Variants in KIAA0930 observed in about 807,000 individuals in gnomAD.
The protein encoded by KIAA0930 is uncharacterized protein KIAA0930.
A neutral mutation model predicts 43.9 loss-of-function variants in KIAA0930; 24 were observed. The ratio of observed to expected loss-of-function variants is 0.55; its 90% CI spans 0.40 to 0.77. The LOEUF is 0.77. Ranked by LOEUF, KIAA0930 falls within the 30% of genes least tolerant of loss-of-function variation. The pLI is 0.00. For synonymous variants in KIAA0930, 259 were observed against 216.4 expected, an observed-to-expected ratio of 1.20 and a Z score of -1.73; for missense variants, 461 against 574.2, an observed-to-expected ratio of 0.80 and a Z score of 2.02.
At chr22:45,200,850 A>T in intron 7 of KIAA0930, 1 of 470,198 alleles carries the variant, frequency 2.1e-6, no homozygotes, top group Non-Finnish European at 4.4e-6. Flanking sequence ...CACAGGATAC[A>T]TGAAGCACAG....
chr22:45,199,871 A>G lies in KIAA0930; in HGVS notation c.1015+2T>C, dbSNP rs770806064. The stretch of plus-strand genomic sequence containing the variant: ...ACCCTAGGGCACGGAGTGGGGGGTC[A>G]CCTCCACCGTCGTCCTCCCGGAAGA... On this transcript the variant is annotated splice_donor_variant, in intron 8 of 9. Coordinates refer to ENST00000336156, the MANE Select transcript of KIAA0930 (RefSeq NM_001009880.2). LOFTEE classifies it high-confidence loss of function. The G allele has an allele frequency of 6.4e-7, 1 of 1,564,850 alleles. No individual in the cohort carries two copies. The highest frequency in any genetic ancestry group is 1.2e-5 in the South Asian group (1 of 86,228).
chr22:45,240,375 G>A (rs2083909420), intron 1 of KIAA0930, among the ~76,000 whole-genome samples: 1 of 152,200 alleles, frequency 6.6e-6, no homozygotes, highest in Admixed American at 6.5e-5. Context: ...ACAGACACCC[G>A]GACGGACTGA....
intron 8 of KIAA0930, chr22:45,198,170 G>T: frequency 1.8e-6 from 1 of 565,408 alleles, no homozygotes; most frequent in Non-Finnish European, 3.2e-6. Flanking sequence ...CCAACTCCAG[G>T]AAGACTTTGG....
intron 1 of KIAA0930, among the ~76,000 whole-genome samples, chr22:45,223,202 C>T (rs553920739): frequency 6.6e-6 from 1 of 152,288 alleles, no homozygotes; most frequent in South Asian, 2.1e-4. Flanking sequence ...GAACAGAACA[C>T]TACGCAGCAA....
At chr22:45,233,070 G>C (rs1324224317) in intron 1 of KIAA0930, among the ~76,000 whole-genome samples, 1 of 152,124 alleles carries the variant, frequency 6.6e-6, no homozygotes, top group Non-Finnish European at 1.5e-5. Context: ...AGGCATCACA[G>C]CCAGTCCCTC....
At chr22:45,212,252 T>G in intron 1 of KIAA0930, 145 bp from the exon 2 acceptor site, 1 of 1,612,546 alleles carries the variant, frequency 6.2e-7, no homozygotes, top group South Asian at 1.1e-5. Flanking sequence ...CCCTCACCAC[T>G]CCCGACCCCC....
chr22:45,201,255 G>T (rs867262178), intron 7 of KIAA0930, among the ~76,000 whole-genome samples: 36 of 152,362 alleles, frequency 2.4e-4, no homozygotes, highest in South Asian at 1.2e-3. Flanking sequence ...CGCCAGAGAA[G>T]GAGACAGGTA....
intron 1 of KIAA0930, chr22:45,213,171 A>G (rs748605074): frequency 5.2e-5 from 29 of 553,806 alleles, no homozygotes; most frequent in Non-Finnish European, 7.4e-5. Flanking sequence ...CCACTAGCTG[A>G]GTCAAATGCA....
intron 1 of KIAA0930, among the ~76,000 whole-genome samples, chr22:45,223,138 T>C (rs1356822480): frequency 6.6e-6 from 1 of 152,078 alleles, no homozygotes; most frequent in African/African-American, 2.4e-5. Context: ...AATAGTGGAG[T>C]GGTCCTATCA....
Position 45,200,086 on chromosome 22 carries a change from G to A in KIAA0930, c.853-51C>T, listed in dbSNP as rs148612414. On this transcript the variant is annotated intron_variant, in intron 7 of 9. Transcript: ENST00000336156. ...AGAGTAGCAGAACAGCCCCCTCCCC[G>A]GGGGTCCCAACGCCCCTCCTATCCC... 4.0e-3 allele frequency: 6,076 copies of A among 1,521,346 alleles called. 16 individuals are homozygous for A. The highest frequency in any genetic ancestry group is 4.7e-3 in the Non-Finnish European group (5,299 of 1,132,568). 94.2% of individuals were successfully genotyped at this position (1,521,346 alleles called of 1,614,324 possible).
chr22:45,232,959 G>A (rs1175661072), intron 1 of KIAA0930, among the ~76,000 whole-genome samples: 4 of 152,218 alleles, frequency 2.6e-5, no homozygotes, highest in Middle Eastern at 3.4e-3. Context: ...ACCCACCCCC[G>A]CCAGGTGTCA....
intron 1 of KIAA0930, among the ~76,000 whole-genome samples, chr22:45,217,456 A>C (rs1601819687): frequency 6.6e-6 from 1 of 152,122 alleles, no homozygotes; most frequent in African/African-American, 2.4e-5. Flanking sequence ...TCAATGTTGA[A>C]CGAAGCTTCT....
At chr22:45,239,182 G>A (rs1193436823) in intron 1 of KIAA0930, among the ~76,000 whole-genome samples, 1 of 152,200 alleles carries the variant, frequency 6.6e-6, no homozygotes, top group East Asian at 1.9e-4. Flanking sequence ...GGGACTGCTT[G>A]AAGCTGCTGA....
In KIAA0930 at chr22:45,192,399, G is replaced by A. The variant is rs1266395422; in HGVS notation, c.*4777C>T. ...TTAATAAAGACGCTGTTGGTAACGC[G>A]TACAGAACTATCACTGGCAATCAGC... is the stretch of plus-strand genomic sequence containing the variant. On this transcript the variant is annotated 3_prime_UTR_variant, in exon 10 of 10. Coordinates refer to ENST00000336156, the MANE Select transcript of KIAA0930 (RefSeq NM_001009880.2). 2.6e-5 allele frequency: 4 copies of A among 152,188 alleles called. No homozygotes were observed. Among genetic ancestry groups the A allele is most frequent in the Admixed American group, 6.5e-5 (1 of 15,284 alleles). 9.4% of individuals were successfully genotyped at this position (152,188 alleles called of 1,614,324 possible).
chr22:45,239,937 G>A (rs905767340), intron 1 of KIAA0930, among the ~76,000 whole-genome samples: 12 of 152,008 alleles, frequency 7.9e-5, no homozygotes, highest in African/African-American at 2.9e-4. Flanking sequence ...TCACTGGCTG[G>A]GAGACCCCAC....
At chr22:45,219,576 GTGAT>G (rs1246157587) in intron 1 of KIAA0930, among the ~76,000 whole-genome samples, 36 of 141,728 alleles carry the variant, frequency 2.5e-4, no homozygotes, top group East Asian at 2.4e-3. Context: ...AGGCCAAGAG[GTGAT>G]TGTTTTTTTT....
Position 45,225,635 on chromosome 22 carries a change from G to C in KIAA0930, c.65-13528C>G, listed in dbSNP as rs1031829781. Among the ~76,000 whole-genome samples, 7 of 152,078 alleles carry C rather than the reference G, an allele frequency of 4.6e-5. No homozygotes were observed. The East Asian group carries it at 1.4e-3, about 29-fold the overall frequency. ...ACAGGGCACAGGGCACAAGCACGGC[G>C]CCCATTCCAACTTGGCCTGTGCAGG... On this transcript the variant is annotated intron_variant, in intron 1 of 9. Transcript: ENST00000336156.
intron 1 of KIAA0930, chr22:45,213,271 A>G (rs147254387): frequency 7.8e-6 from 10 of 1,278,438 alleles, no homozygotes; most frequent in Admixed American, 2.3e-5. Context: ...CTCAGCCCTC[A>G]GCCCTCTGCC....
At chr22:45,224,705 CAGCTGG>C in intron 1 of KIAA0930, among the ~76,000 whole-genome samples, 1 of 152,282 alleles carries the variant, frequency 6.6e-6, no homozygotes, top group African/African-American at 2.4e-5. Context: ...GAATGCCAGT[CAGCTGG>C]AGACTCAAGG....
Sources: gnomAD v4.1 joint callset for allele counts (sites outside exome capture counted in the v4.1 genomes callset) on GRCh38, gnomAD v4.1.1 for gene constraint, MANE v1.5 for transcripts, NCBI Gene and HGNC (gene_info 2026-07-23, HGNC 2026-07-21) for gene names.